Variants in ACLY observed in about 807,000 individuals in gnomAD.
The protein encoded by ACLY is ATP-citrate synthase.
A neutral mutation model predicts 133.0 loss-of-function variants in ACLY; 41 were observed. The ratio of observed to expected loss-of-function variants is 0.31; its 90% CI spans 0.24 to 0.40. ACLY has a LOEUF of 0.40. ACLY is among the 10% of genes least tolerant of loss of function. The probability of loss-of-function intolerance (pLI) is 1.00; values close to 1 mark genes in which losing one functional copy is unlikely to be tolerated. For synonymous variants in ACLY, 495 were observed against 549.3 expected, an observed-to-expected ratio of 0.90 and a Z score of 1.38; for missense variants, 1,046 against 1,453.8, an observed-to-expected ratio of 0.72 and a Z score of 4.56.
At chr17:41,888,053 G>A (rs922263822) in intron 16 of ACLY, among the ~76,000 whole-genome samples, 7 of 152,148 alleles carry the variant, frequency 4.6e-5, no homozygotes, top group Non-Finnish European at 7.4e-5. Context: ...GCTTGAGCCC[G>A]GGAGGTGGAG....
At chr17:41,914,029 A>G (rs2049981724) in intron 1 of ACLY, 133 bp from the exon 2 acceptor site, 11 of 855,114 alleles carry the variant, frequency 1.3e-5, no homozygotes, top group Admixed American at 2.7e-5. Context: ...GAGGAAGGAA[A>G]AAATGCTGTC....
intron 11 of ACLY, among the ~76,000 whole-genome samples, chr17:41,900,143 G>C (rs560421455): frequency 7.1e-6 from 1 of 140,826 alleles, no homozygotes. Flanking sequence ...GTCTGATCAC[G>C]AGGTCAAGAG....
chr17:41,924,551 C>T (rs782752812), intron 1 of ACLY, among the ~76,000 whole-genome samples: 1 of 152,152 alleles, frequency 6.6e-6, no homozygotes, highest in Non-Finnish European at 1.5e-5. Context: ...AAAGCCCCAT[C>T]ATCATCCACC....
chr17:41,891,033 T>G (rs1267838375), intron 16 of ACLY, among the ~76,000 whole-genome samples: 1 of 152,168 alleles, frequency 6.6e-6, no homozygotes, highest in Non-Finnish European at 1.5e-5. Context: ...TGATTTGTTT[T>G]TTTGTTTGTT....
At position 41,873,980 on chromosome 17, in the gene ACLY, G is replaced by A. The variant is rs781897910; in HGVS notation, c.2488-15C>T. 11 of 1,579,544 alleles carry A rather than the reference G, an allele frequency of 7.0e-6. No homozygotes were observed. Among genetic ancestry groups the A allele is most frequent in the Admixed American group, 1.7e-5 (1 of 58,148 alleles). On this transcript the variant is annotated splice_polypyrimidine_tract_variant and intron_variant, in intron 22 of 28. Transcript: ENST00000352035. ...AAACCAAGCTCCTGGGCAGAGATGG[G>A]GAAGAGGGAAGCAGGGCCCTGGTGA... is the stretch of plus-strand genomic sequence containing the variant.
At chr17:41,871,893 C>A in intron 24 of ACLY, 61 bp from the exon 25 acceptor site, 1 of 1,606,574 alleles carries the variant, frequency 6.2e-7, no homozygotes, top group African/African-American at 1.3e-5. Flanking sequence ...GCTGGGCAAA[C>A]CAACCCAGTG....
At chr17:41,925,445 A>C (rs2050231822) in intron 1 of ACLY, among the ~76,000 whole-genome samples, 1 of 151,226 alleles carries the variant, frequency 6.6e-6, no homozygotes, top group African/African-American at 2.4e-5. Context: ...AAAAAAAAAA[A>C]AAAAAAAACC....
chr17:41,894,204 G>A (rs1472972465), intron 14 of ACLY, among the ~76,000 whole-genome samples: 8 of 121,396 alleles, frequency 6.6e-5, no homozygotes, highest in East Asian at 2.5e-4. Flanking sequence ...GTGACAGAGC[G>A]GGACTCCATC....
At chr17:41,886,404 G>T in intron 17 of ACLY, 96 bp from the exon 18 acceptor site, 2 of 1,260,492 alleles carry the variant, frequency 1.6e-6, no homozygotes, top group Non-Finnish European at 2.2e-6. Flanking sequence ...GCCCCTTCTG[G>T]CCAGGCTGGG....
rs80345103 is a variant in ACLY, at chr17:41,868,959, A to C, written c.3134+84T>G. 475 of 1,374,850 alleles carry C rather than the reference A, an allele frequency of 3.5e-4. 2 individuals carry two copies. In the African/African-American group the frequency reaches 6.3e-3, roughly 18 times the overall value. The allele number at this position is 1,374,850 out of a possible 1,614,324, so 85.2% of individuals were successfully genotyped here. ...CTCCTTATTTTTCAAATATTCTATT[A>C]TGAGTATGCATTACTTTTATAGTTT... On this transcript the variant is annotated intron_variant, in intron 27 of 28. Transcript: ENST00000352035.
intron 1 of ACLY, among the ~76,000 whole-genome samples, chr17:41,928,901 A>C (rs964530313): frequency 6.6e-6 from 1 of 150,722 alleles, no homozygotes; most frequent in African/African-American, 2.4e-5. Flanking sequence ...AACTGCACTG[A>C]ATCTGTAGAT....
intron 20 of ACLY, among the ~76,000 whole-genome samples, chr17:41,881,688 C>T (rs2048922021): frequency 6.6e-6 from 1 of 152,026 alleles, no homozygotes; most frequent in African/African-American, 2.4e-5. Flanking sequence ...CCTCCGCCTC[C>T]CAGGTTCAAG....
In ACLY at chr17:41,904,775, A is replaced by G. The variant is rs2049661425; in HGVS notation, c.1019T>C (p.Ile340Thr). Reference sequence around the variant, plus strand: ...GGTGAAGTTTGCGATGCTGCCTCCAATGATGAGGATCTTGCCTGGATTTGG... The same window carrying G: ...GGTGAAGTTTGCGATGCTGCCTCCAGTGATGAGGATCTTGCCTGGATTTGG... ...EKHPDGKILI[I>T]GGSIANFTNV... is the part of the protein sequence containing the mutation. Residue 340 changes from isoleucine to threonine, a missense_variant, in exon 10 of 29, where the codon ATT becomes ACT. Coordinates refer to ENST00000352035, the MANE Select transcript of ACLY (RefSeq NM_001096.3). 1.2e-6 allele frequency: 2 copies of G among 1,613,912 alleles called. No individual in the cohort carries two copies. The highest frequency in any genetic ancestry group is 1.3e-5 in the African/African-American group (1 of 74,930).
chr17:41,879,647 CAAAAAAAAAAAAAAAAAAAAAAAAAAAA>C (rs558056100), intron 20 of ACLY, among the ~76,000 whole-genome samples: 7 of 34,222 alleles, frequency 2.0e-4, no homozygotes, highest in Admixed American at 5.0e-4. Flanking sequence ...GACTCCGTCT[CAAAAAAAAAAAAAAAAAAAAAAAAAAAA>C]AAAAAAAAAA....
rs1296477212 is a variant in ACLY, at chr17:41,868,572, T to G, written c.3211+137A>C. On this transcript the variant is annotated intron_variant, in intron 28 of 28. Transcript: ENST00000352035. ...GATTAAGAGGATATGACATTTCTTC[T>G]GTAGAAACTGAACCACAAAAAGAAA... 2.6e-5 allele frequency: 14 copies of G among 542,496 alleles called. No homozygotes were observed. The East Asian group carries it at 3.9e-4, about 15-fold the overall frequency. 33.6% of individuals were successfully genotyped at this position (542,496 alleles called of 1,614,324 possible). A position where few individuals can be genotyped will look rare whatever the true frequency, so the allele number is the denominator to read the frequency against.
chr17:41,878,773 G>C (rs782367205), intron 21 of ACLY, 24 bp downstream of exon 21: 1 of 1,612,370 alleles, frequency 6.2e-7, no homozygotes, highest in South Asian at 1.1e-5. Context: ...GGGGAGGCCG[G>C]CATCCTCCCC....
chr17:41,904,135 G>A (rs1338766461), intron 10 of ACLY, among the ~76,000 whole-genome samples: 1 of 145,414 alleles, frequency 6.9e-6, no homozygotes, highest in Non-Finnish European at 1.5e-5. Context: ...AAGGAAGGGA[G>A]GGAAGGAGGA....
chr17:41,910,344 G>A, intron 3 of ACLY, 60 bp from the exon 4 acceptor site: 1 of 1,489,086 alleles, frequency 6.7e-7, no homozygotes, highest in Non-Finnish European at 9.3e-7. Context: ...CCCTAGGGCA[G>A]AAGGAGGGAC....
At chr17:41,897,466 C>T (rs2049402653) in intron 13 of ACLY, among the ~76,000 whole-genome samples, 1 of 152,076 alleles carries the variant, frequency 6.6e-6, no homozygotes, top group African/African-American at 2.4e-5. Context: ...ATCTCCTCCA[C>T]AGCCTCCCTG....
Sources: gnomAD v4.1 joint callset for allele counts (sites outside exome capture counted in the v4.1 genomes callset) on GRCh38, gnomAD v4.1.1 for gene constraint, MANE v1.5 for transcripts, NCBI Gene and HGNC (gene_info 2026-07-23, HGNC 2026-07-21) for gene names.